Variants in SCNN1A observed in about 807,000 individuals in gnomAD.
SCNN1A encodes epithelial sodium channel subunit alpha.
Under a neutral mutation model 68.6 loss-of-function variants are expected in SCNN1A, and 65 were observed. The ratio of observed to expected loss-of-function variants is 0.95; its 90% CI spans 0.78 to 1.16. SCNN1A has a LOEUF of 1.16. SCNN1A is among the 50% of genes most tolerant of loss of function. The pLI is 0.00. For missense variants in SCNN1A, 880 were observed against 865.9 expected (o/e 1.02, Z -0.20); for synonymous variants, 357 against 353.3 (o/e 1.01, Z -0.12).
chr12:6,357,637 A>G (rs1362289088), intron 4 of SCNN1A, among the ~76,000 whole-genome samples: 2 of 152,262 alleles, frequency 1.3e-5, no homozygotes, highest in African/African-American at 4.8e-5. Context: ...TTGCAAAAAC[A>G]CATAGAGATA....
At position 6,348,716 on chromosome 12, in the gene SCNN1A, G is replaced by A. The variant is rs1439092298; in HGVS notation, c.1629+11C>T. The A allele has an allele frequency of 1.9e-6, 3 of 1,609,618 alleles. No homozygotes were observed. The highest frequency in any genetic ancestry group is 1.3e-5 in the African/African-American group (1 of 74,592). ...CCAGAGCATCACAGGCTCCATCCAG[G>A]CACGACCTACCGTGACAGAGGGAGA... On this transcript the variant is annotated intron_variant, in intron 12 of 12. Coordinates refer to ENST00000228916, the MANE Select transcript of SCNN1A (RefSeq NM_001038.6).
Position 6,374,919 on chromosome 12 carries a change from C to T in SCNN1A, c.-54-82G>A, listed in dbSNP as rs1422874798. 10 of 1,606,424 alleles carry T rather than the reference C, an allele frequency of 6.2e-6. No individual in the cohort carries two copies. The highest frequency in any genetic ancestry group is 5.1e-5 in the Admixed American group (3 of 58,280). On this transcript the variant is annotated intron_variant, in intron 1 of 12. Transcript: ENST00000228916. This position sits in a 1 kb window ranked among gnomAD's most constrained non-coding sequence, Gnocchi z 6.2. The stretch of plus-strand genomic sequence containing the variant: ...CTGGGCCCTGAGTGCCCTCTCCCAT[C>T]ACCCCTGGAACCCGAGTGAGGCTGC...
Position 6,351,519 on chromosome 12 carries a change from C to A in SCNN1A, c.1361-2114G>T, listed in dbSNP as rs150145131. 5.3e-5 allele frequency among the ~76,000 whole-genome samples: 8 copies of A among 151,656 alleles called. No homozygotes were observed. The highest frequency in any genetic ancestry group is 2.1e-4 in the South Asian group (1 of 4,794). ...GCGCCTGTATGTAGTCCCAGGTACT[C>A]GGGAAGCTGAGACAGGAGAATTGCT... On this transcript the variant is annotated intron_variant, in intron 8 of 12. Transcript: ENST00000228916. This position sits in a 1 kb window ranked among gnomAD's most constrained non-coding sequence, Gnocchi z 4.2.
chr12:6,376,409 A>G (rs72645148), upstream of SCNN1A, among the ~76,000 whole-genome samples: 504 of 152,300 alleles, frequency 3.3e-3, 3 homozygotes, highest in African/African-American at 0.012. Flanking sequence ...GAATGTGGGC[A>G]ACCAGAGGCA....
chr12:6,375,437 G>C, intron 1 of SCNN1A, 68 bp downstream of exon 1: 1 of 1,534,126 alleles, frequency 6.5e-7, no homozygotes, highest in Non-Finnish European at 8.7e-7. Flanking sequence ...CCACTCCCAG[G>C]TTGCGGCTGG....
At chr12:6,365,758 G>A (rs1948664882) in intron 2 of SCNN1A, among the ~76,000 whole-genome samples, 1 of 152,196 alleles carries the variant, frequency 6.6e-6, no homozygotes, top group Non-Finnish European at 1.5e-5. Context: ...TCTAGAAGAT[G>A]GAAGATATCT....
rs991112861 is a variant in SCNN1A at position 6,375,163 on chromosome 12, C to A, written c.-54-326G>T. On this transcript the variant is annotated intron_variant, in intron 1 of 12. Coordinates refer to ENST00000228916, the MANE Select transcript of SCNN1A (RefSeq NM_001038.6). ...GTCTCTGCCCCCTTCCTTTGGTCTTCTTCCTCCAGGATCTGTGTCTCAGCT... is the reference window on the plus strand; with the variant it reads ...GTCTCTGCCCCCTTCCTTTGGTCTTATTCCTCCAGGATCTGTGTCTCAGCT... 1.1e-5 allele frequency: 16 copies of A among 1,460,352 alleles called. No homozygotes were observed. The African/African-American group carries it at 2.1e-4, about 19-fold the overall frequency. 90.5% of individuals were successfully genotyped at this position (1,460,352 alleles called of 1,614,324 possible). A position where few individuals can be genotyped will look rare whatever the true frequency, so the allele number is the denominator to read the frequency against.
At position 6,347,266 on chromosome 12, in the gene SCNN1A, G is replaced by A. The variant is rs1948273231; in HGVS notation, c.*607C>T. On this transcript the variant is annotated 3_prime_UTR_variant, in exon 13 of 13. Coordinates refer to ENST00000228916, the MANE Select transcript of SCNN1A (RefSeq NM_001038.6). ...CGGGGCATGGCTCTGTGAGGGCACGGGTATGAGGCTAGAGGAGCCCTGGGT... is the reference window on the plus strand; with the variant it reads ...CGGGGCATGGCTCTGTGAGGGCACGAGTATGAGGCTAGAGGAGCCCTGGGT... 6.4e-6 allele frequency: 1 copy of A among 155,844 alleles called. No individual in the cohort carries two copies. The highest frequency in any genetic ancestry group is 6.2e-5 in the Admixed American group (1 of 16,098). 9.7% of individuals were successfully genotyped at this position (155,844 alleles called of 1,614,324 possible).
chr12:6,354,712 G>T, intron 7 of SCNN1A, 38 bp downstream of exon 7: 1 of 1,562,996 alleles, frequency 6.4e-7, no homozygotes, highest in Non-Finnish European at 8.8e-7. Flanking sequence ...CAGGGCAGTG[G>T]CTGGGAGTGG....
chr12:6,352,669 G>T (rs1948407654), intron 8 of SCNN1A, among the ~76,000 whole-genome samples: 1 of 152,248 alleles, frequency 6.6e-6, no homozygotes. Flanking sequence ...TCTGAGACAG[G>T]AGATGAGGCC....
Position 6,362,230 on chromosome 12 carries a change from G to T in SCNN1A, c.696C>A (p.Asn232Lys), listed in dbSNP as rs1244122158. The T allele has an allele frequency of 6.2e-7, 1 of 1,614,178 alleles. No homozygotes were observed. ...WKIGFQLCNQ[N>K]KSDCFYQTYS... The stretch of plus-strand genomic sequence containing the variant: ...ATGTCTGGTAGAAGCAGTCCGATTT[G>T]TTCTGGTTGCACTGGACACAGAGAC... Residue 232 changes from asparagine to lysine, a missense_variant, in exon 4 of 13, where the codon AAC becomes AAA. By Grantham distance (94) the Asn-to-Lys change is moderately conservative. Coordinates refer to ENST00000228916, the MANE Select transcript of SCNN1A (RefSeq NM_001038.6).
In SCNN1A at chr12:6,349,374, G is replaced by A; in HGVS notation, c.1392C>T (p.Phe464=). ...GYCYYKLQVD[F]SSDHLGCFTK... The stretch of plus-strand genomic sequence containing the variant: ...TGAAACAGCCCAGGTGGTCTGAGGA[G>A]AAGTCAACCTGGAGCTTATAGTAGC... The change falls in exon 9 of 13, where the codon TTC becomes TTT. Residue 464 remains phenylalanine (F), a synonymous_variant. Transcript: ENST00000228916. 1 of 1,608,174 alleles carries A rather than the reference G, an allele frequency of 6.2e-7. No homozygotes were observed. Among genetic ancestry groups the A allele is most frequent in the Non-Finnish European group, 8.5e-7 (1 of 1,177,058 alleles).
rs1387307008 is a variant in SCNN1A at position 6,347,697 on chromosome 12, G to A, written c.*176C>T. 1.5e-6 allele frequency: 1 copy of A among 649,012 alleles called. No individual in the cohort carries two copies. Among genetic ancestry groups the A allele is most frequent in the African/African-American group, 1.8e-5 (1 of 55,830 alleles). The allele number at this position is 649,012 out of a possible 1,614,324, so 40.2% of individuals were successfully genotyped here. ...AAGGCACTTCTGGGCAGCTTCATCA[G>A]CTACTGTTCTTGGAGCAACTTCCTG... On this transcript the variant is annotated 3_prime_UTR_variant, in exon 13 of 13. Transcript: ENST00000228916.
chr12:6,362,023 A>T lies in SCNN1A; in HGVS notation c.875+28T>A, dbSNP rs751955748. ...ACCCAGGGAAGCGGACCCCGCGGAGAGCAAGGAGCCAGGCAGGACTGACTC... is the reference window on the plus strand; with the variant it reads ...ACCCAGGGAAGCGGACCCCGCGGAGTGCAAGGAGCCAGGCAGGACTGACTC... On this transcript the variant is annotated intron_variant, in intron 4 of 12. Transcript: ENST00000228916. 3.7e-6 allele frequency: 6 copies of T among 1,612,826 alleles called. No homozygotes were observed. In the Admixed American group the frequency reaches 8.3e-5, roughly 22 times the overall value.
chr12:6,374,543 G>A lies in SCNN1A; in HGVS notation c.241C>T (p.Arg81Cys), dbSNP rs61759860. 1.9e-6 allele frequency: 3 copies of A among 1,614,194 alleles called. No individual in the cohort carries two copies. The highest frequency in any genetic ancestry group is 8.5e-7 in the Non-Finnish European group (1 of 1,180,024). The change falls in exon 2 of 13, where the codon CGC becomes TGC. Residue 81 changes from arginine (R) to cysteine (C), a missense_variant. Around this residue, in one of 3 missense-constraint regions of SCNN1A, gnomAD observed 45 missense variants for 76.7 expected, o/e 0.59. Coordinates refer to ENST00000228916, the MANE Select transcript of SCNN1A (RefSeq NM_001038.6). This position sits in a 1 kb window ranked among gnomAD's most constrained non-coding sequence, Gnocchi z 6.2. Reference protein sequence around the residue: ...AIRLVCSQHNRMKTAFWAVLW... With the variant: ...AIRLVCSQHNCMKTAFWAVLW... ...ACTGCCCAGAAGGCCGTCTTCATGC[G>A]GTTGTGCTGGGAGCACACCAGGCGG...
chr12:6,375,606 G>T (rs72645138), upstream of SCNN1A: 28 of 1,320,854 alleles, frequency 2.1e-5, no homozygotes, highest in African/African-American at 3.7e-4. Flanking sequence ...TGAGCAGGGC[G>T]GGGGGAGGGG....
chr12:6,364,570 AC>A (rs1948643006), intron 2 of SCNN1A, among the ~76,000 whole-genome samples: 1 of 151,906 alleles, frequency 6.6e-6, no homozygotes, highest in Non-Finnish European at 1.5e-5. Context: ...CCTGGCTAAC[AC>A]GGTGAAACCC....
At position 6,374,373 on chromosome 12, in the gene SCNN1A, G is replaced by T. The variant is rs1245068982; in HGVS notation, c.411C>A (p.Pro137=). The T allele has an allele frequency of 1.9e-6, 3 of 1,614,056 alleles. No individual in the cohort carries two copies. The highest frequency in any genetic ancestry group is 2.2e-5 in the East Asian group (1 of 44,898). The change falls in exon 2 of 13, where the codon CCC becomes CCA. Residue 137 remains proline, a synonymous_variant. Coordinates refer to ENST00000228916, the MANE Select transcript of SCNN1A (RefSeq NM_001038.6). The surrounding 1 kb of genome is among the most constrained non-coding windows in gnomAD (Gnocchi z 6.2). ...GGGCAGAGGGACTAACCGACCTGTA[G>T]GGATTGAGGGTGCAGATGGTCACTG... ...FPAVTICTLN[P]YRYPEIKEEL...
At chr12:6,355,526 C>G in intron 5 of SCNN1A, 91 bp from the exon 6 acceptor site, 1 of 1,473,628 alleles carries the variant, frequency 6.8e-7, no homozygotes, top group Non-Finnish European at 9.3e-7. Flanking sequence ...CTTGCCCAGT[C>G]TCTAAAGCTG....
Sources: gnomAD v4.1 joint callset for allele counts (sites outside exome capture counted in the v4.1 genomes callset) on GRCh38, gnomAD v4.1.1 for gene constraint, gnomAD v4.1.1 regional missense constraint, Gnocchi (gnomAD v3.1) non-coding constraint, MANE v1.5 for transcripts, NCBI Gene and HGNC (gene_info 2026-07-23, HGNC 2026-07-21) for gene names.